The following ALG14 variants were observed in gnomAD, a reference collection of about 807,000 sequenced individuals.
ALG14 encodes ALG14 UDP-N-acetylglucosaminyltransferase subunit.
Under a neutral mutation model 22.8 loss-of-function variants are expected in ALG14, and 17 were observed. The ratio of observed to expected loss-of-function variants is 0.75; its 90% CI spans 0.51 to 1.12. The LOEUF is 1.12. Among genes scored for constraint, ALG14 ranks in the 50% most tolerant of loss-of-function variants. The pLI, the probability that ALG14 is intolerant of heterozygous loss-of-function variation, is 0.00. For missense variants in ALG14, 288 were observed against 271.8 expected (o/e 1.06, Z -0.42); for synonymous variants, 89 against 103.7 (o/e 0.86, Z 0.86).
chr1:95,056,417 G>C (rs1406668167), intron 2 of ALG14, among the ~76,000 whole-genome samples: 9 of 152,100 alleles, frequency 5.9e-5, no homozygotes. Flanking sequence ...GGCCAAGGTG[G>C]GCAGACTGCT....
intron 3 of ALG14, among the ~76,000 whole-genome samples, chr1:95,020,594 C>T (rs1673633123): frequency 6.6e-6 from 1 of 151,738 alleles, no homozygotes; most frequent in Admixed American, 6.6e-5. Flanking sequence ...CAAAATTAGC[C>T]AAGCATGGTT....
chr1:94,978,675 A>G lies in ALG14; in HGVS notation c.*4401T>C, dbSNP rs1048346905. ...AAAATCTAAGTTGGGAGTGAAGTAG[A>G]AGGAGGACAAATATTTAAGGCATTA... On this transcript the variant is annotated 3_prime_UTR_variant, in exon 4 of 4. Coordinates refer to ENST00000370205, the MANE Select transcript of ALG14 (RefSeq NM_144988.4). 1 of 152,174 alleles carries G rather than the reference A, an allele frequency of 6.6e-6. No individual in the cohort carries two copies. Among genetic ancestry groups the G allele is most frequent in the Non-Finnish European group, 1.5e-5 (1 of 68,032 alleles). 9.4% of individuals were successfully genotyped at this position (152,174 alleles called of 1,614,324 possible). A position where few individuals can be genotyped will look rare whatever the true frequency, so the allele number is the denominator to read the frequency against.
intron 2 of ALG14, among the ~76,000 whole-genome samples, chr1:95,056,902 C>A (rs1335234530): frequency 6.6e-6 from 1 of 151,234 alleles, no homozygotes. Flanking sequence ...ACTAAAAATA[C>A]AAAAATTAGC....
chr1:95,018,134 C>T lies in ALG14; in HGVS notation c.420+8995G>A, dbSNP rs1466130816. ...GGATGGTATTTTTTCTTGTGTATCA[C>T]AACTGAGGTAAAATGGATGCAAACC... On this transcript the variant is annotated intron_variant, in intron 3 of 3. Transcript: ENST00000370205. 4.6e-5 allele frequency among the ~76,000 whole-genome samples: 7 copies of T among 152,008 alleles called. No individual in the cohort carries two copies. In the East Asian group the frequency reaches 1.2e-3, roughly 25 times the overall value.
chr1:94,992,973 G>A (rs1032176682), intron 3 of ALG14, among the ~76,000 whole-genome samples: 1 of 151,472 alleles, frequency 6.6e-6, no homozygotes, highest in Non-Finnish European at 1.5e-5. Context: ...AACTTTAAGG[G>A]TACTGTGTGG....
intron 2 of ALG14, among the ~76,000 whole-genome samples, chr1:95,028,838 CA>C (rs1400991061): frequency 6.6e-6 from 1 of 152,066 alleles, no homozygotes; most frequent in East Asian, 1.9e-4. Context: ...GCTGGAACTA[CA>C]TGCCAGAAAT....
At chr1:94,995,878 C>T (rs968513595) in intron 3 of ALG14, among the ~76,000 whole-genome samples, 2 of 152,186 alleles carry the variant, frequency 1.3e-5, no homozygotes, top group Non-Finnish European at 2.9e-5. Flanking sequence ...AGTGATGCAT[C>T]TCACCCATCA....
At chr1:95,004,473 T>C (rs1045726548) in intron 3 of ALG14, among the ~76,000 whole-genome samples, 4 of 151,898 alleles carry the variant, frequency 2.6e-5, no homozygotes, top group African/African-American at 9.7e-5. Flanking sequence ...CTGCCGGCCT[T>C]GGTCTCCCAA....
intron 2 of ALG14, among the ~76,000 whole-genome samples, chr1:95,058,933 A>G (rs1675037991): frequency 6.6e-6 from 1 of 151,520 alleles, no homozygotes; most frequent in South Asian, 2.1e-4. Context: ...CTTTTCCCTC[A>G]TATTTGCCTT....
intron 2 of ALG14, among the ~76,000 whole-genome samples, chr1:95,039,587 G>T (rs576061214): frequency 6.6e-6 from 1 of 152,250 alleles, no homozygotes; most frequent in East Asian, 1.9e-4. Context: ...ATTCACTGTG[G>T]TCTTGTTTGG....
intron 3 of ALG14, among the ~76,000 whole-genome samples, chr1:95,000,278 G>A (rs1673027358): frequency 6.6e-6 from 1 of 152,028 alleles, no homozygotes; most frequent in Non-Finnish European, 1.5e-5. Flanking sequence ...GCTCATGCTT[G>A]TAATACCAGC....
chr1:94,998,788 T>A (rs1428237221), intron 3 of ALG14, among the ~76,000 whole-genome samples: 1 of 152,214 alleles, frequency 6.6e-6, no homozygotes, highest in Non-Finnish European at 1.5e-5. Context: ...ATAGGGTTAC[T>A]GTGAGGATTA....
chr1:95,065,960 C>G (rs749855623), intron 1 of ALG14, among the ~76,000 whole-genome samples: 2 of 152,166 alleles, frequency 1.3e-5, no homozygotes, highest in Non-Finnish European at 2.9e-5. Flanking sequence ...GCACAACAGT[C>G]AAACTCCTTA....
intron 3 of ALG14, among the ~76,000 whole-genome samples, chr1:95,024,220 G>A (rs947845161): frequency 4.6e-5 from 7 of 152,020 alleles, no homozygotes; most frequent in East Asian, 1.9e-4. Context: ...CTCGTGATCC[G>A]CCCACCTCAG....
intron 3 of ALG14, among the ~76,000 whole-genome samples, chr1:95,026,100 T>A (rs1033495222): frequency 6.6e-6 from 1 of 151,976 alleles, no homozygotes; most frequent in Admixed American, 6.6e-5. Flanking sequence ...GGCCGGCAAA[T>A]CTTTTGTATT....
intron 3 of ALG14, among the ~76,000 whole-genome samples, chr1:95,011,874 G>A (rs1244406438): frequency 6.6e-6 from 1 of 152,142 alleles, no homozygotes; most frequent in Non-Finnish European, 1.5e-5. Context: ...TATTTTTAAT[G>A]ACTTAAAGTG....
At chr1:95,028,925 C>T (rs906897707) in intron 2 of ALG14, among the ~76,000 whole-genome samples, 1 of 152,122 alleles carries the variant, frequency 6.6e-6, no homozygotes, top group Admixed American at 6.5e-5. Flanking sequence ...AAATTTGCAA[C>T]AAGAAAGTGA....
chr1:95,072,591 AAACCAGCCCCTACC>A, intron 1 of ALG14, among the ~76,000 whole-genome samples, 158 bp downstream of exon 1: 1 of 152,216 alleles, frequency 6.6e-6, no homozygotes, highest in African/African-American at 2.4e-5. Flanking sequence ...CCGCGTCAGC[AAACCAGCCCCTACC>A]CTGGCTGGAC....
chr1:95,055,741 C>G (rs1348506129), intron 2 of ALG14, among the ~76,000 whole-genome samples: 3 of 149,260 alleles, frequency 2.0e-5, no homozygotes, highest in Non-Finnish European at 3.0e-5. Flanking sequence ...ACCTGTAATC[C>G]CAGCACTGTG....
Sources: gnomAD v4.1 joint callset for allele counts (sites outside exome capture counted in the v4.1 genomes callset) on GRCh38, gnomAD v4.1.1 for gene constraint, MANE v1.5 for transcripts, NCBI Gene and HGNC (gene_info 2026-07-23, HGNC 2026-07-21) for gene names.